Variants in TM4SF18 observed in about 807,000 individuals in gnomAD.
The protein encoded by TM4SF18 is transmembrane 4 L6 family member 18.
In TM4SF18, 22 loss-of-function variants were observed where a neutral mutation model predicts 23.8. The observed-to-expected ratio is 0.92, with a 90% CI of 0.66 to 1.32. The LOEUF (loss-of-function observed/expected upper bound fraction) is 1.32. TM4SF18 is among the 40% of genes most tolerant of loss of function. TM4SF18 has a pLI of 0.00. For synonymous variants in TM4SF18, 87 were observed against 87.9 expected, an observed-to-expected ratio of 0.99 and a Z score of 0.06; for missense variants, 255 against 240.3, an observed-to-expected ratio of 1.06 and a Z score of -0.41.
rs998553765 is a variant in TM4SF18, at chr3:149,320,937, A to G, written c.*541T>C. 1 of 152,208 alleles carries G rather than the reference A, an allele frequency of 6.6e-6. No homozygotes were observed. The highest frequency in any genetic ancestry group is 2.4e-5 in the African/African-American group (1 of 41,466). 9.4% of individuals were successfully genotyped at this position (152,208 alleles called of 1,614,324 possible). Reference sequence around the variant, plus strand: ...AGTGTTTCATTTGCTTTAAATAGTTATATAGTAAACATGAATTTGTAACCT... The same window carrying G: ...AGTGTTTCATTTGCTTTAAATAGTTGTATAGTAAACATGAATTTGTAACCT... On this transcript the variant is annotated 3_prime_UTR_variant, in exon 6 of 6. Coordinates refer to ENST00000296059, the MANE Select transcript of TM4SF18 (RefSeq NM_138786.4).
chr3:149,322,366 A>G lies in TM4SF18; in HGVS notation c.481T>C (p.Leu161=), dbSNP rs1349289844. The change falls in exon 5 of 6, where the codon TTA becomes CTA. Residue 161 remains leucine, a synonymous_variant. Transcript: ENST00000296059. ...PAHVVEWNII[L]FSILITLSGL... is the part of the protein sequence containing the mutation. ...CTGAGGGTTATGAGAATGGAAAATA[A>G]AATGATGTTCCACTCCACAACATGT... 3 of 1,613,996 alleles carry G rather than the reference A, an allele frequency of 1.9e-6. No individual in the cohort carries two copies. Among genetic ancestry groups the G allele is most frequent in the East Asian group, 4.5e-5 (2 of 44,874 alleles).
At chr3:149,329,368 A>C (rs1023254640) in intron 3 of TM4SF18, among the ~76,000 whole-genome samples, 3 of 152,218 alleles carry the variant, frequency 2.0e-5, no homozygotes, top group African/African-American at 7.2e-5. Context: ...GTTGTACCTC[A>C]GACTAACTAA....
At chr3:149,325,155 G>A (rs910894640) in intron 3 of TM4SF18, 133 bp from the exon 4 acceptor site, 41 of 710,674 alleles carry the variant, frequency 5.8e-5, no homozygotes, top group African/African-American at 5.2e-4. Context: ...TGCCCACATA[G>A]AAATAAAAAA....
chr3:149,325,146 G>A (rs1383238239), intron 3 of TM4SF18, 124 bp from the exon 4 acceptor site: 6 of 777,176 alleles, frequency 7.7e-6, no homozygotes, highest in Non-Finnish European at 9.7e-6. Flanking sequence ...AATACTAAAT[G>A]CCCACATAGA....
At chr3:149,325,405 A>G (rs956840073) in intron 3 of TM4SF18, among the ~76,000 whole-genome samples, 24 of 152,206 alleles carry the variant, frequency 1.6e-4, no homozygotes, top group Non-Finnish European at 7.3e-5. Context: ...ATTATAAGCT[A>G]TGACCTCTGC....
At position 149,330,316 on chromosome 3, in the gene TM4SF18, A is replaced by T. The variant is rs373231059; in HGVS notation, c.267+14T>A. 7.5e-6 allele frequency: 12 copies of T among 1,591,348 alleles called. No individual in the cohort carries two copies. Among genetic ancestry groups the T allele is most frequent in the African/African-American group, 1.3e-5 (1 of 74,158 alleles). On this transcript the variant is annotated intron_variant, in intron 3 of 5. Coordinates refer to ENST00000296059, the MANE Select transcript of TM4SF18 (RefSeq NM_138786.4). ...AGCCCACTCAACCATCCTCAAAAAA[A>T]CTGTTGCTCTTACCACATATTTTTT... is the stretch of plus-strand genomic sequence containing the variant.
rs1730826092 is a variant in TM4SF18 at position 149,322,341 on chromosome 3, C to T, written c.506G>A (p.Ser169Asn). 6.2e-7 allele frequency: 1 copy of T among 1,614,002 alleles called. No homozygotes were observed. Among genetic ancestry groups the T allele is most frequent in the Non-Finnish European group, 8.5e-7 (1 of 1,179,960 alleles). Reference sequence around the variant, plus strand: ...GAGGCAGATGATCACTTGAAGCCCACTGAGGGTTATGAGAATGGAAAATAA... The same window carrying T: ...GAGGCAGATGATCACTTGAAGCCCATTGAGGGTTATGAGAATGGAAAATAA... ...IILFSILITLSGLQVIICLIR... is the reference protein window; with the variant it reads ...IILFSILITLNGLQVIICLIR... Residue 169 changes from serine to asparagine, a missense_variant, in exon 5 of 6, where the codon AGT (serine) becomes AAT (asparagine). Coordinates refer to ENST00000296059, the MANE Select transcript of TM4SF18 (RefSeq NM_138786.4).
chr3:149,329,633 G>A (rs182044319), intron 3 of TM4SF18, among the ~76,000 whole-genome samples: 2 of 152,284 alleles, frequency 1.3e-5, no homozygotes, highest in East Asian at 1.9e-4. Flanking sequence ...GTGAATAAAC[G>A]ATGAAGAGGA....
In TM4SF18 at chr3:149,331,443, C is replaced by T. The variant is rs1455713924; in HGVS notation, c.178-1024G>A. On this transcript the variant is annotated intron_variant, in intron 2 of 5. Coordinates refer to ENST00000296059, the MANE Select transcript of TM4SF18 (RefSeq NM_138786.4). ...TCCTATATTCCCCTCCTTTCCACATCGTTAGTTATGACAGATTGAAAGAAA... is the reference window on the plus strand; with the variant it reads ...TCCTATATTCCCCTCCTTTCCACATTGTTAGTTATGACAGATTGAAAGAAA... Among the ~76,000 whole-genome samples, 6 of 152,096 alleles carry T rather than the reference C, an allele frequency of 3.9e-5. No homozygotes were observed. The East Asian group carries it at 1.2e-3, about 29-fold the overall frequency.
chr3:149,324,896 C>T lies in TM4SF18; in HGVS notation c.394G>A (p.Glu132Lys), dbSNP rs1255533630. 1 of 1,614,126 alleles carries T rather than the reference C, an allele frequency of 6.2e-7. No individual in the cohort carries two copies. Among genetic ancestry groups the T allele is most frequent in the Non-Finnish European group, 8.5e-7 (1 of 1,180,006 alleles). The change falls in exon 4 of 6, where the codon GAA becomes AAA. Residue 132 changes from glutamate to lysine, a missense_variant. Coordinates refer to ENST00000296059, the MANE Select transcript of TM4SF18 (RefSeq NM_138786.4). Reference sequence around the variant, plus strand: ...ATTCCTTACCGTCCAGCAGTGCCTTCAAAAGCATACTCCCAGCCATCAAGG... The same window carrying T: ...ATTCCTTACCGTCCAGCAGTGCCTTTAAAAGCATACTCCCAGCCATCAAGG... ...RTLDGWEYAF[E>K]GTAGRFLTDS...
In TM4SF18 at chr3:149,319,202, T is replaced by C. The variant is rs190393016; in HGVS notation, c.*2276A>G. ...GACAGTCTGAAAGTATATAACAAAC[T>C]GATGAAGTGGACCTTCCAGAAGTCT... On this transcript the variant is annotated 3_prime_UTR_variant, in exon 6 of 6. Transcript: ENST00000296059. The C allele has an allele frequency of 6.6e-6, 1 of 152,146 alleles. No individual in the cohort carries two copies. Among genetic ancestry groups the C allele is most frequent in the Non-Finnish European group, 1.5e-5 (1 of 68,028 alleles). The allele number at this position is 152,146 out of a possible 1,614,324, so 9.4% of individuals were successfully genotyped here.
intron 2 of TM4SF18, among the ~76,000 whole-genome samples, chr3:149,330,895 CT>C (rs1731072438): frequency 6.6e-6 from 1 of 152,160 alleles, no homozygotes; most frequent in Non-Finnish European, 1.5e-5. Flanking sequence ...GAAACCATAT[CT>C]CTTTAAAGTG....
chr3:149,326,320 A>G (rs1334856641), intron 3 of TM4SF18, among the ~76,000 whole-genome samples: 1 of 152,132 alleles, frequency 6.6e-6, no homozygotes, highest in Non-Finnish European at 1.5e-5. Context: ...TTTTCTCACA[A>G]TTGAATTCAA....
intron 4 of TM4SF18, 54 bp downstream of exon 4, chr3:149,324,826 A>G (rs963106729): frequency 1.4e-5 from 23 of 1,605,650 alleles, no homozygotes; most frequent in Non-Finnish European, 2.0e-5. Context: ...CTTGAGCATG[A>G]GGCAAGGTGT....
chr3:149,322,094 G>A (rs576198880), intron 5 of TM4SF18, among the ~76,000 whole-genome samples, 162 bp downstream of exon 5: 14 of 152,222 alleles, frequency 9.2e-5, no homozygotes, highest in African/African-American at 3.1e-4. Context: ...AGACACATTG[G>A]GATATCAGAA....
intron 3 of TM4SF18, among the ~76,000 whole-genome samples, chr3:149,325,660 T>C (rs1430072614): frequency 6.6e-6 from 1 of 152,046 alleles, no homozygotes; most frequent in Non-Finnish European, 1.5e-5. Flanking sequence ...TGAAGACAGA[T>C]TGACATGGTA....
chr3:149,322,440 A>G lies in TM4SF18; in HGVS notation c.411-4T>C, dbSNP rs770013213. Reference sequence around the variant, plus strand: ...TATGCTAGAATCTGTAAGGAAACTGAGAGAGACCCATGGCCAAATCTACAT... The same window carrying G: ...TATGCTAGAATCTGTAAGGAAACTGGGAGAGACCCATGGCCAAATCTACAT... On this transcript the variant is annotated splice_region_variant and splice_polypyrimidine_tract_variant and intron_variant, in intron 4 of 5. Transcript: ENST00000296059. The G allele has an allele frequency of 1.7e-5, 27 of 1,611,312 alleles. No individual in the cohort carries two copies. Among genetic ancestry groups the G allele is most frequent in the Non-Finnish European group, 1.9e-5 (22 of 1,178,778 alleles).
intron 2 of TM4SF18, among the ~76,000 whole-genome samples, chr3:149,331,752 T>G (rs1407685387): frequency 6.6e-6 from 1 of 152,212 alleles, no homozygotes; most frequent in Non-Finnish European, 1.5e-5. Flanking sequence ...CTTCATGCAT[T>G]TATTTCTGGT....
At chr3:149,327,342 T>C (rs1374435828) in intron 3 of TM4SF18, among the ~76,000 whole-genome samples, 1 of 151,718 alleles carries the variant, frequency 6.6e-6, no homozygotes, top group East Asian at 1.9e-4. Flanking sequence ...CTGGCAGTGG[T>C]CACACAAGCT....
Sources: gnomAD v4.1 joint callset for allele counts (sites outside exome capture counted in the v4.1 genomes callset) on GRCh38, gnomAD v4.1.1 for gene constraint, MANE v1.5 for transcripts, NCBI Gene and HGNC (gene_info 2026-07-23, HGNC 2026-07-21) for gene names.